Variants in AFG3L2 observed in about 807,000 individuals in gnomAD.
The protein encoded by AFG3L2 is AFG3 like matrix AAA peptidase subunit 2.
In AFG3L2, 54 loss-of-function variants were observed where a neutral mutation model predicts 94.5. That is an observed-to-expected ratio of 0.57 (90% CI 0.46 to 0.72). The LOEUF is 0.72. Among genes scored for constraint, AFG3L2 ranks in the 30% least tolerant of loss-of-function variants. The pLI is 0.00. For synonymous variants in AFG3L2, 377 were observed against 365.5 expected (o/e 1.03, Z -0.36); for missense variants, 754 against 994.9 (o/e 0.76, Z 3.26).
At chr18:12,354,738 A>G (rs921066336) in intron 9 of AFG3L2, among the ~76,000 whole-genome samples, 1 of 151,608 alleles carries the variant, frequency 6.6e-6, no homozygotes, top group African/African-American at 2.4e-5. Flanking sequence ...ACTCTTTACC[A>G]CTTCTCAGCT....
chr18:12,352,905 A>C (rs1908363299), intron 10 of AFG3L2, 100 bp downstream of exon 10: 8 of 1,548,264 alleles, frequency 5.2e-6, no homozygotes, highest in Admixed American at 1.7e-5. Flanking sequence ...CAGTGAGCCG[A>C]AATCACACCA....
rs540148619 is a variant in AFG3L2 at position 12,337,041 on chromosome 18, T to C, written c.2175+300A>G. On this transcript the variant is annotated intron_variant, in intron 16 of 16. Coordinates refer to ENST00000269143, the MANE Select transcript of AFG3L2 (RefSeq NM_006796.3). ...ATCATGCTTCTCATTAGGAGTACTGTGAACTATCTGGTGAGGGAGAGTCCT... is the reference window on the plus strand; with the variant it reads ...ATCATGCTTCTCATTAGGAGTACTGCGAACTATCTGGTGAGGGAGAGTCCT... The C allele has an allele frequency of 5.1e-5, 30 of 586,184 alleles. No homozygotes were observed. The African/African-American group carries it at 5.2e-4, about 10-fold the overall frequency. 36.3% of individuals were successfully genotyped at this position (586,184 alleles called of 1,614,324 possible).
At chr18:12,330,780 C>CAAA in intron 16 of AFG3L2, among the ~76,000 whole-genome samples, 1 of 123,530 alleles carries the variant, frequency 8.1e-6, no homozygotes, top group Non-Finnish European at 1.7e-5. Flanking sequence ...GACTCGGTCT[C>CAAA]AAAAAAAAAA....
rs1908305272 is a variant in AFG3L2, at chr18:12,351,199, T to C, written c.1438A>G (p.Ile480Val). The change falls in exon 12 of 17, where the codon ATA becomes GTA. Residue 480 changes from isoleucine (I) to valine (V), a missense_variant. By Grantham distance (29) the Ile-to-Val change is conservative. Coordinates refer to ENST00000269143, the MANE Select transcript of AFG3L2 (RefSeq NM_006796.3). ...DRQIFIGPPDIKGRASIFKVH... is the reference protein window; with the variant it reads ...DRQIFIGPPDVKGRASIFKVH... Reference sequence around the variant, plus strand: ...TTGAAAATAGAAGCTCTTCCTTTTATGTCTGGTGGTCCTTTAGAAATCATT... The same window carrying C: ...TTGAAAATAGAAGCTCTTCCTTTTACGTCTGGTGGTCCTTTAGAAATCATT... The C allele has an allele frequency of 2.5e-6, 4 of 1,614,192 alleles. No homozygotes were observed. Among genetic ancestry groups the C allele is most frequent in the Non-Finnish European group, 3.4e-6 (4 of 1,180,032 alleles).
chr18:12,329,371 C>T lies in AFG3L2; in HGVS notation c.*194G>A. ...GGACAGTGTGCATTTCCCTCAAGGC[C>T]TCCGGAAAGTCACCTGCCACCCACT... On this transcript the variant is annotated 3_prime_UTR_variant, in exon 17 of 17. Coordinates refer to ENST00000269143, the MANE Select transcript of AFG3L2 (RefSeq NM_006796.3). The T allele has an allele frequency of 1.5e-6, 1 of 683,068 alleles. No homozygotes were observed. Among genetic ancestry groups the T allele is most frequent in the Non-Finnish European group, 2.6e-6 (1 of 381,374 alleles). The allele number at this position is 683,068 out of a possible 1,614,324, so 42.3% of individuals were successfully genotyped here.
At chr18:12,337,269 A>G (rs2143110128) in intron 16 of AFG3L2, 72 bp downstream of exon 16, 2 of 1,400,168 alleles carry the variant, frequency 1.4e-6, no homozygotes, top group East Asian at 2.3e-5. Flanking sequence ...ACACCAACCA[A>G]AACAGTCTAT....
chr18:12,356,921 C>T lies in AFG3L2; in HGVS notation c.1027-90G>A, dbSNP rs796797533. On this transcript the variant is annotated intron_variant, in intron 8 of 16. Transcript: ENST00000269143. Reference sequence around the variant, plus strand: ...AAATAATTACAAGATATAACTCTGTCTCTAAATCTTATTGATATATATTAA... The same window carrying T: ...AAATAATTACAAGATATAACTCTGTTTCTAAATCTTATTGATATATATTAA... The T allele has an allele frequency of 3.0e-6, 4 of 1,312,126 alleles. No homozygotes were observed. In the African/African-American group the frequency reaches 4.4e-5, roughly 14 times the overall value. The allele number at this position is 1,312,126 out of a possible 1,614,324, so 81.3% of individuals were successfully genotyped here.
At chr18:12,368,061 GGA>G in intron 3 of AFG3L2, among the ~76,000 whole-genome samples, 1 of 152,226 alleles carries the variant, frequency 6.6e-6, no homozygotes, top group Non-Finnish European at 1.5e-5. Context: ...CAGCTACTAG[GGA>G]GGCTGAGGCA....
chr18:12,362,241 T>G (rs1355269137), intron 6 of AFG3L2, among the ~76,000 whole-genome samples: 1 of 152,240 alleles, frequency 6.6e-6, no homozygotes, highest in Non-Finnish European at 1.5e-5. Context: ...CTAAAGGCTG[T>G]GTGTGTGCAG....
intron 1 of AFG3L2, among the ~76,000 whole-genome samples, chr18:12,374,215 T>G (rs1909074199): frequency 1.3e-5 from 2 of 152,170 alleles, no homozygotes; most frequent in African/African-American, 4.8e-5. Context: ...TAATCCAAGA[T>G]CTGCATGTCT....
chr18:12,358,961 A>T lies in AFG3L2; in HGVS notation c.753-18T>A, dbSNP rs965964690. ...GAAAAGAGCTGGGGACACACAGCGC[A>T]ACACGGGTTAGGACTGGCTGCTCAC... On this transcript the variant is annotated intron_variant, in intron 7 of 16. Transcript: ENST00000269143. 2 of 1,603,180 alleles carry T rather than the reference A, an allele frequency of 1.2e-6. No homozygotes were observed. Among genetic ancestry groups the T allele is most frequent in the Non-Finnish European group, 1.7e-6 (2 of 1,174,556 alleles).
Position 12,337,478 on chromosome 18 carries a change from G to C in AFG3L2, c.2038C>G (p.Gln680Glu). The C allele has an allele frequency of 6.2e-7, 1 of 1,614,202 alleles. No homozygotes were observed. Among genetic ancestry groups the C allele is most frequent in the East Asian group, 2.2e-5 (1 of 44,892 alleles). ...VGQISFDLPR[Q>E]GDMVLEKPYS... The stretch of plus-strand genomic sequence containing the variant: ...GGTTTCTCCAATACCATGTCCCCCT[G>C]ACGTGGGAGGTCAAAGGAGATTTGC... Residue 680 changes from glutamine (Q) to glutamate (E), a missense_variant, in exon 16 of 17, where the codon CAG becomes GAG. Gln to Glu is a conservative substitution (Grantham distance 29). Transcript: ENST00000269143.
At chr18:12,372,211 G>C (rs527583820) in intron 1 of AFG3L2, among the ~76,000 whole-genome samples, 1 of 152,304 alleles carries the variant, frequency 6.6e-6, no homozygotes, top group Admixed American at 6.5e-5. Context: ...GGCTGAGGCA[G>C]GAGTACTGCT....
At chr18:12,367,441 T>C (rs1908842784) in intron 3 of AFG3L2, 59 bp from the exon 4 acceptor site, 2 of 1,489,132 alleles carry the variant, frequency 1.3e-6, no homozygotes, top group South Asian at 2.3e-5. Context: ...CTCTCAGCAA[T>C]GTCTTCATGT....
At chr18:12,363,687 A>T in intron 6 of AFG3L2, 95 bp downstream of exon 6, 2 of 980,040 alleles carry the variant, frequency 2.0e-6, no homozygotes, top group South Asian at 1.3e-5. Context: ...TCTGGTGCGT[A>T]TAACTCCTAG....
chr18:12,357,819 G>T (rs537897927), intron 8 of AFG3L2, among the ~76,000 whole-genome samples: 1 of 151,974 alleles, frequency 6.6e-6, no homozygotes, highest in Admixed American at 6.6e-5. Context: ...GGCTGGTCTC[G>T]AACTCCTGAC....
chr18:12,332,213 TC>T (rs1048907162), intron 16 of AFG3L2, among the ~76,000 whole-genome samples: 1 of 145,946 alleles, frequency 6.9e-6, no homozygotes, highest in African/African-American at 2.5e-5. Context: ...AACCTCCGCC[TC>T]CCAGGTTCAA....
At chr18:12,342,032 A>C (rs1256063493) in intron 14 of AFG3L2, 2 of 151,994 alleles carry the variant, frequency 1.3e-5, no homozygotes, top group African/African-American at 4.8e-5. Flanking sequence ...ATGTCTGGCT[A>C]ATTTTTCTAT....
chr18:12,356,703 G>T lies in AFG3L2; in HGVS notation c.1155C>A (p.Gly385=). 1.2e-6 allele frequency: 2 copies of T among 1,614,164 alleles called. No individual in the cohort carries two copies. Among genetic ancestry groups the T allele is most frequent in the Non-Finnish European group, 1.7e-6 (2 of 1,180,024 alleles). ...SEFLEMFVGV[G]PARVRDLFAL... The stretch of plus-strand genomic sequence containing the variant: ...ACAGAATGAGACTCACTCTAGCAGG[G>T]CCCACACCAACGAACATCTCCAAAA... Residue 385 remains glycine (G), a synonymous_variant, in exon 9 of 17, where the codon GGC becomes GGA. Transcript: ENST00000269143.
Sources: allele counts gnomAD v4.1 joint callset (sites outside exome capture counted in the v4.1 genomes callset), GRCh38; gene constraint gnomAD v4.1.1; transcripts MANE v1.5; gene names NCBI Gene and HGNC (gene_info 2026-07-23, HGNC 2026-07-21).